HTR3A: variants seen among roughly 807,000 people sequenced by gnomAD.
HTR3A encodes the protein 5-hydroxytryptamine (serotonin) receptor 3A, ionotropic.
HTR3A carries 45 observed loss-of-function variants against 54.8 expected under a neutral mutation model. The ratio of observed to expected loss-of-function variants is 0.82; its 90% CI spans 0.65 to 1.05. HTR3A has a LOEUF of 1.05. Among genes scored for constraint, HTR3A ranks in the 50% least tolerant of loss-of-function variants. The pLI, the probability that HTR3A is intolerant of heterozygous loss-of-function variation, is 0.00. For missense variants in HTR3A, 657 were observed against 614.0 expected (o/e 1.07, Z -0.74); for synonymous variants, 297 against 256.0 (o/e 1.16, Z -1.53).
intron 1 of HTR3A, among the ~76,000 whole-genome samples, chr11:113,975,801 G>A (rs1329136803): frequency 2.0e-5 from 3 of 152,166 alleles, no homozygotes; most frequent in Non-Finnish European, 2.9e-5. Flanking sequence ...AGAGAGTGGG[G>A]AGCGGATAAT....
intron 5 of HTR3A, among the ~76,000 whole-genome samples, chr11:113,984,052 C>A (rs1466114464): frequency 2.0e-5 from 3 of 152,130 alleles, no homozygotes; most frequent in Admixed American, 2.0e-4. Context: ...ATATTCTTTC[C>A]CTTTATCACA....
In HTR3A at chr11:113,986,067, C is replaced by CAGG. The variant is rs1313718348; in HGVS notation, c.600_602dup (p.Arg200dup). On this transcript the variant is annotated inframe_insertion, in exon 6 of 9. Transcript: ENST00000504030. ...GCTTGCCAGAAAAGGTGAAATCCGA[C>CAGG]AGGAGTGTCTTCATGAACCAGGGAG... 6.2e-7 allele frequency: 1 copy of CAGG among 1,614,172 alleles called. No individual in the cohort carries two copies.
Position 113,986,967 on chromosome 11 carries a change from G to T in HTR3A, c.1059G>T (p.Trp353Cys). 1 of 1,614,130 alleles carries T rather than the reference G, an allele frequency of 6.2e-7. No homozygotes were observed. The highest frequency in any genetic ancestry group is 8.5e-7 in the Non-Finnish European group (1 of 1,180,026). ...LRHLVLERIA[W>C]LLCLREQSTS... Reference sequence around the variant, plus strand: ...ACCTGGTTCTGGAGAGAATCGCCTGGCTACTTTGCCTGAGGGAGCAGTCAA... The same window carrying T: ...ACCTGGTTCTGGAGAGAATCGCCTGTCTACTTTGCCTGAGGGAGCAGTCAA... Residue 353 changes from tryptophan (W) to cysteine (C), a missense_variant, in exon 8 of 9, where the codon TGG becomes TGT. By Grantham distance (215) the Trp-to-Cys change is radical (BLOSUM62 -2). Transcript: ENST00000504030.
chr11:113,986,952 G>T lies in HTR3A; in HGVS notation c.1044G>T (p.Leu348=). The part of the protein sequence containing the change: ...PVPAWLRHLV[L]ERIAWLLCLR... ...CTGCTTGGCTGCGTCACCTGGTTCT[G>T]GAGAGAATCGCCTGGCTACTTTGCC... Residue 348 remains leucine (L), a synonymous_variant, in exon 8 of 9, where the codon CTG becomes CTT. Transcript: ENST00000504030. The T allele has an allele frequency of 6.2e-7, 1 of 1,614,132 alleles. No individual in the cohort carries two copies. The highest frequency in any genetic ancestry group is 8.5e-7 in the Non-Finnish European group (1 of 1,180,018).
In HTR3A at chr11:113,977,752, G is replaced by C. The variant is rs1176722; in HGVS notation, c.68-19G>C. 6.2e-7 allele frequency: 1 copy of C among 1,612,378 alleles called. No homozygotes were observed. The highest frequency in any genetic ancestry group is 8.5e-7 in the Non-Finnish European group (1 of 1,179,094). ...GTCTTGGGGGGCTGGTGTCTACTTT[G>C]AACTGTTCTCCTTCCCAGCCAGGAG... On this transcript the variant is annotated intron_variant, in intron 1 of 8. Transcript: ENST00000504030.
At position 113,989,800 on chromosome 11, in the gene HTR3A, G is replaced by A. The variant is rs368161331; in HGVS notation, c.*37G>A. On this transcript the variant is annotated 3_prime_UTR_variant, in exon 9 of 9. Transcript: ENST00000504030. The surrounding 1 kb of genome is among the most constrained non-coding windows in gnomAD (Gnocchi z 4.4). ...CCAGTGGAGGAGGGGGTACAGTCCTGGTTAGGTGGGGACAGAGGATTTCTG... is the reference window on the plus strand; with the variant it reads ...CCAGTGGAGGAGGGGGTACAGTCCTAGTTAGGTGGGGACAGAGGATTTCTG... 14 of 1,596,286 alleles carry A rather than the reference G, an allele frequency of 8.8e-6. No homozygotes were observed. In the African/African-American group the frequency reaches 1.7e-4, roughly 20 times the overall value.
chr11:113,982,937 G>A (rs1950438126), intron 4 of HTR3A, among the ~76,000 whole-genome samples, 183 bp from the exon 5 acceptor site: 1 of 152,120 alleles, frequency 6.6e-6, no homozygotes, highest in South Asian at 2.1e-4. Context: ...CCTTGACAAC[G>A]GCAGGTCAGG....
chr11:113,986,908 G>C lies in HTR3A; in HGVS notation c.1000G>C (p.Asp334His). The change falls in exon 8 of 9, where the codon GAC becomes CAC. Residue 334 changes from aspartate to histidine, a missense_variant. By Grantham distance (81) the Asp-to-His change is moderately conservative. Transcript: ENST00000504030. Reference protein sequence around the residue: ...IFIVRLVHKQDLQQPVPAWLR... With the variant: ...IFIVRLVHKQHLQQPVPAWLR... ...CATTGTGCGGCTGGTGCACAAGCAA[G>C]ACCTGCAGCAGCCCGTGCCTGCTTG... 6.2e-7 allele frequency: 1 copy of C among 1,614,174 alleles called. No individual in the cohort carries two copies. The highest frequency in any genetic ancestry group is 8.5e-7 in the Non-Finnish European group (1 of 1,180,038).
chr11:113,987,180 G>A (rs1404942545), intron 8 of HTR3A, 134 bp downstream of exon 8: 22 of 924,884 alleles, frequency 2.4e-5, no homozygotes, highest in Admixed American at 2.0e-5. Flanking sequence ...CCTTACTTGG[G>A]GTGGGGGCAG....
In HTR3A at chr11:113,975,322, C is replaced by A. The variant is rs374115066; in HGVS notation, c.-4C>A. 1.9e-6 allele frequency: 3 copies of A among 1,613,510 alleles called. No homozygotes were observed. Among genetic ancestry groups the A allele is most frequent in the Admixed American group, 3.3e-5 (2 of 60,014 alleles). ...GAGGCACTCCTATGCTTGGAAAGCT[C>A]GCTATGCTGCTGTGGGTCCAGCAGG... is the stretch of plus-strand genomic sequence containing the variant. On this transcript the variant is annotated 5_prime_UTR_variant, in exon 1 of 9. Coordinates refer to ENST00000504030, the MANE Select transcript of HTR3A (RefSeq NM_000869.6).
chr11:113,983,024 G>A (rs1429100138), intron 4 of HTR3A, 96 bp from the exon 5 acceptor site: 13 of 1,451,010 alleles, frequency 9.0e-6, no homozygotes, highest in South Asian at 1.1e-5. Flanking sequence ...TACCCTCCCC[G>A]AACTTCACTC....
chr11:113,987,413 C>G (rs147252298), intron 8 of HTR3A, among the ~76,000 whole-genome samples: 220 of 152,252 alleles, frequency 1.4e-3, no homozygotes, highest in African/African-American at 5.1e-3. Context: ...TAAATACTGC[C>G]ACTGGGGTTT....
At chr11:113,986,424 G>A (rs913003852) in intron 6 of HTR3A, 94 bp from the exon 7 acceptor site, 3 of 1,418,726 alleles carry the variant, frequency 2.1e-6, no homozygotes, top group South Asian at 2.3e-5. Flanking sequence ...CAGGCTGGAA[G>A]CCCCATAAAA....
rs768063907 is a variant in HTR3A at position 113,986,513 on chromosome 11, C to A, written c.706-5C>A. The A allele has an allele frequency of 2.5e-6, 4 of 1,612,088 alleles. No individual in the cohort carries two copies. ...GGCTTCCCACAAGCTCTTCTCCGGT[C>A]CCAGGTGGTCATCCGCCGGCGGCCC... is the stretch of plus-strand genomic sequence containing the variant. On this transcript the variant is annotated splice_region_variant and splice_polypyrimidine_tract_variant and intron_variant, in intron 6 of 8. Transcript: ENST00000504030.
intron 2 of HTR3A, 33 bp from the exon 3 acceptor site, chr11:113,979,200 G>T (rs776272505): frequency 6.3e-7 from 1 of 1,590,542 alleles, no homozygotes; most frequent in Non-Finnish European, 8.6e-7. Flanking sequence ...CAGTCCACAG[G>T]GTTACTTGTT....
intron 2 of HTR3A, 26 bp from the exon 3 acceptor site, chr11:113,979,207 T>TG: frequency 1.2e-6 from 2 of 1,605,970 alleles, no homozygotes; most frequent in Non-Finnish European, 1.7e-6. Context: ...CAGGGTTACT[T>TG]GTTCAAGCTC....
chr11:113,984,050 T>C (rs1004513832), intron 5 of HTR3A, among the ~76,000 whole-genome samples: 1 of 152,178 alleles, frequency 6.6e-6, no homozygotes, highest in South Asian at 2.1e-4. Flanking sequence ...TCATATTCTT[T>C]CCCTTTATCA....
intron 5 of HTR3A, among the ~76,000 whole-genome samples, chr11:113,985,009 C>T (rs1345542388): frequency 6.6e-6 from 1 of 152,152 alleles, no homozygotes; most frequent in Admixed American, 6.6e-5. Flanking sequence ...TGCATGACTG[C>T]CTTGACCAAA....
intron 1 of HTR3A, 121 bp from the exon 2 acceptor site, chr11:113,977,650 A>G: frequency 6.6e-7 from 1 of 1,510,778 alleles, no homozygotes; most frequent in Non-Finnish European, 9.0e-7. Flanking sequence ...GTCTGTGTTT[A>G]GAATTTTGTG....
Sources: gnomAD v4.1 joint callset for allele counts (sites outside exome capture counted in the v4.1 genomes callset) on GRCh38, gnomAD v4.1.1 for gene constraint, Gnocchi (gnomAD v3.1) non-coding constraint, MANE v1.5 for transcripts, NCBI Gene and HGNC (gene_info 2026-07-23, HGNC 2026-07-21) for gene names.